RNF152: variants seen among roughly 807,000 people sequenced by gnomAD.
The protein encoded by RNF152 is E3 ubiquitin-protein ligase RNF152.
RNF152 carries 11 observed loss-of-function variants against 12.7 expected under a neutral mutation model. The observed-to-expected ratio is 0.86, with a 90% CI of 0.54 to 1.43. The LOEUF (loss-of-function observed/expected upper bound fraction) is 1.43. RNF152 is among the 40% of genes most tolerant of loss of function. RNF152 has a pLI of 0.00. For synonymous variants in RNF152, 113 were observed against 120.3 expected (o/e 0.94, Z 0.40); for missense variants, 255 against 274.8 (o/e 0.93, Z 0.51).
chr18:61,871,011 C>T (rs1736805954), intron 1 of RNF152, among the ~76,000 whole-genome samples: 1 of 152,168 alleles, frequency 6.6e-6, no homozygotes. Flanking sequence ...CCTGCACCTG[C>T]TTCCCAGAGA....
At chr18:61,854,948 A>C (rs1171318953) in intron 1 of RNF152, among the ~76,000 whole-genome samples, 1 of 152,248 alleles carries the variant, frequency 6.6e-6, no homozygotes, top group Non-Finnish European at 1.5e-5. Context: ...TAACTCACAG[A>C]CTGTCTCAAA....
chr18:61,885,985 C>CTTTTTTTTTTTTTTTT (rs558169838), intron 1 of RNF152, among the ~76,000 whole-genome samples: 5 of 81,692 alleles, frequency 6.1e-5, no homozygotes, highest in African/African-American at 9.2e-5. Flanking sequence ...CTTTTGCTTT[C>CTTTTTTTTTTTTTTTT]TTTTTTTTTT....
chr18:61,867,846 G>A (rs563682700), intron 1 of RNF152, among the ~76,000 whole-genome samples: 2 of 152,190 alleles, frequency 1.3e-5, no homozygotes, highest in African/African-American at 4.8e-5. Context: ...GGCCACGAAT[G>A]TCCAGTGCAC....
chr18:61,831,919 GTGT>G lies in RNF152; in HGVS notation c.-135-15324_-135-15322del, dbSNP rs752293075. On this transcript the variant is annotated intron_variant, in intron 1 of 1. Coordinates refer to ENST00000312828, the MANE Select transcript of RNF152 (RefSeq NM_173557.3). ...TAATATTATAAATATAGTATTATGT[GTGT>G]GGGGGGGTGTGGGTGTGTATAGGGG... Among the ~76,000 whole-genome samples the G allele has an allele frequency of 5.6e-4, 73 of 130,600 alleles. 1 individual carries two copies. The highest frequency in any genetic ancestry group is 1.7e-3 in the African/African-American group (64 of 38,296). The allele number at this position is 130,600 out of a possible 152,430, so 85.7% of individuals were successfully genotyped here.
chr18:61,822,512 A>T (rs533947729), intron 1 of RNF152, among the ~76,000 whole-genome samples: 2 of 152,354 alleles, frequency 1.3e-5, no homozygotes, highest in African/African-American at 2.4e-5. Context: ...TTCATTTGGT[A>T]GGTGGTAAAA....
rs917424720 is a variant in RNF152, at chr18:61,810,571, C to G, written c.*5281G>C. 1.3e-5 allele frequency: 2 copies of G among 152,270 alleles called. No individual in the cohort carries two copies. The highest frequency in any genetic ancestry group is 2.4e-5 in the African/African-American group (1 of 41,412). 9.4% of individuals were successfully genotyped at this position (152,270 alleles called of 1,614,324 possible). On this transcript the variant is annotated 3_prime_UTR_variant, in exon 2 of 2. Coordinates refer to ENST00000312828, the MANE Select transcript of RNF152 (RefSeq NM_173557.3). ...GCTGAGGCAGGAGAATAGCTTGAACCTGGGAGGCGGAGGTTGCAGTGAGCT... is the reference window on the plus strand; with the variant it reads ...GCTGAGGCAGGAGAATAGCTTGAACGTGGGAGGCGGAGGTTGCAGTGAGCT...
At chr18:61,860,423 T>C (rs934726202) in intron 1 of RNF152, among the ~76,000 whole-genome samples, 7 of 152,174 alleles carry the variant, frequency 4.6e-5, no homozygotes, top group Non-Finnish European at 1.0e-4. Context: ...GCTGGTCCCA[T>C]AAGATTATAA....
At position 61,873,885 on chromosome 18, in the gene RNF152, A is replaced by ATT; in HGVS notation, c.-136+18908_-136+18909dup. ...AGCAGATCTTAGCTAATCGGTACTA[A>ATT]TTACTGGGCATTTGTTGAGGCTGAT... On this transcript the variant is annotated intron_variant, in intron 1 of 1. Coordinates refer to ENST00000312828, the MANE Select transcript of RNF152 (RefSeq NM_173557.3). 2.0e-5 allele frequency among the ~76,000 whole-genome samples: 3 copies of ATT among 152,348 alleles called. No homozygotes were observed. The Middle Eastern group carries it at 0.01, about 518-fold the overall frequency.
chr18:61,860,853 G>A (rs1023053472), intron 1 of RNF152, among the ~76,000 whole-genome samples: 3 of 152,064 alleles, frequency 2.0e-5, no homozygotes, highest in Non-Finnish European at 2.9e-5. Context: ...TCCTGACCCT[G>A]TGTAACCCTA....
intron 1 of RNF152, among the ~76,000 whole-genome samples, chr18:61,865,192 G>A (rs1315234303): frequency 1.3e-5 from 2 of 152,182 alleles, no homozygotes; most frequent in Non-Finnish European, 1.5e-5. Context: ...CAGCCAAATT[G>A]TCCGGCACAT....
chr18:61,867,334 C>T (rs1393131088), intron 1 of RNF152, among the ~76,000 whole-genome samples: 1 of 151,990 alleles, frequency 6.6e-6, no homozygotes, highest in African/African-American at 2.4e-5. Context: ...CTCCTGTAGT[C>T]TCAGCTACTC....
chr18:61,823,186 C>T (rs749870357), intron 1 of RNF152, among the ~76,000 whole-genome samples: 21 of 152,260 alleles, frequency 1.4e-4, no homozygotes, highest in Non-Finnish European at 2.9e-4. Context: ...CAAACCTCAA[C>T]TGAGAATTCC....
intron 1 of RNF152, among the ~76,000 whole-genome samples, chr18:61,852,932 A>G (rs79186627): frequency 0.015 from 2,324 of 152,366 alleles, 71 homozygotes; most frequent in African/African-American, 0.053. Context: ...TGCCTAATTA[A>G]GAAGCCCTTT....
chr18:61,854,957 A>T (rs1911154559), intron 1 of RNF152, among the ~76,000 whole-genome samples: 1 of 152,240 alleles, frequency 6.6e-6, no homozygotes, highest in African/African-American at 2.4e-5. Flanking sequence ...GACTGTCTCA[A>T]ATGCTACAAA....
chr18:61,824,718 C>A (rs1225511535), intron 1 of RNF152, among the ~76,000 whole-genome samples: 1 of 152,240 alleles, frequency 6.6e-6, no homozygotes, highest in Non-Finnish European at 1.5e-5. Context: ...GGGGTCCCAA[C>A]AACGCTACCT....
intron 1 of RNF152, among the ~76,000 whole-genome samples, chr18:61,889,719 C>T (rs1912866832): frequency 6.6e-6 from 1 of 152,188 alleles, no homozygotes; most frequent in Admixed American, 6.5e-5. Flanking sequence ...AAACACATTC[C>T]TGCCCCCTTC....
chr18:61,844,082 G>GAAAT (rs1910593647), intron 1 of RNF152, among the ~76,000 whole-genome samples: 1 of 33,990 alleles, frequency 2.9e-5, no homozygotes, highest in African/African-American at 1.1e-4. Context: ...AGAAAGGAAA[G>GAAAT]AAAGAAAGAA....
At chr18:61,880,681 T>C (rs1912423615) in intron 1 of RNF152, among the ~76,000 whole-genome samples, 1 of 152,212 alleles carries the variant, frequency 6.6e-6, no homozygotes, top group African/African-American at 2.4e-5. Flanking sequence ...AAGGGAAATA[T>C]CTGATAAATT....
chr18:61,809,550 G>T lies in RNF152; in HGVS notation c.*6302C>A, dbSNP rs189844229. On this transcript the variant is annotated 3_prime_UTR_variant, in exon 2 of 2. Coordinates refer to ENST00000312828, the MANE Select transcript of RNF152 (RefSeq NM_173557.3). The stretch of plus-strand genomic sequence containing the variant: ...CTCACACCCCAAGGAGATTACAGAA[G>T]ACTTTCACATGGGCTACTAGCCCTA... 1.2e-3 allele frequency: 188 copies of T among 152,246 alleles called. No individual in the cohort carries two copies. Among genetic ancestry groups the T allele is most frequent in the African/African-American group, 4.2e-3 (175 of 41,546 alleles). 9.4% of individuals were successfully genotyped at this position (152,246 alleles called of 1,614,324 possible).
Sources: gnomAD v4.1 joint callset for allele counts (sites outside exome capture counted in the v4.1 genomes callset) on GRCh38, gnomAD v4.1.1 for gene constraint, MANE v1.5 for transcripts, NCBI Gene and HGNC (gene_info 2026-07-23, HGNC 2026-07-21) for gene names.